TSPAN18: variants seen among roughly 807,000 people sequenced by gnomAD.
TSPAN18 encodes the protein tetraspanin-18.
TSPAN18 carries 14 observed loss-of-function variants against 27.3 expected under a neutral mutation model. The ratio of observed to expected loss-of-function variants is 0.51; its 90% CI spans 0.34 to 0.80. The LOEUF is 0.80. TSPAN18 is among the 30% of genes least tolerant of loss of function. The pLI, the probability that TSPAN18 is intolerant of heterozygous loss-of-function variation, is 0.01. For synonymous variants in TSPAN18, 143 were observed against 136.5 expected, an observed-to-expected ratio of 1.05 and a Z score of -0.33; for missense variants, 268 against 323.9, an observed-to-expected ratio of 0.83 and a Z score of 1.32.
chr11:44,880,380 A>G lies in TSPAN18; in HGVS notation c.-11+19911A>G, dbSNP rs72901311. 9.2e-3 allele frequency among the ~76,000 whole-genome samples: 1,351 copies of G among 147,484 alleles called. 11 individuals carry two copies. Among genetic ancestry groups the G allele is most frequent in the Middle Eastern group, 0.014 (4 of 286 alleles). ...GCTCTGTTAGCCTCTCCCAAGCTGC[A>G]TAACCCTGGTGAAGGGGTGTCACCT... On this transcript the variant is annotated intron_variant, in intron 3 of 9. Coordinates refer to ENST00000520358, the MANE Select transcript of TSPAN18 (RefSeq NM_130783.5).
At chr11:44,912,439 G>A (rs835983) in intron 5 of TSPAN18, among the ~76,000 whole-genome samples, 90,435 of 151,240 alleles carry the variant, frequency 0.6, 28,241 homozygotes, top group African/African-American at 0.77. Context: ...CCCCTCTCTA[G>A]GGCCCCGCCC....
chr11:44,910,010 T>G, intron 5 of TSPAN18, 111 bp downstream of exon 5: 1 of 1,311,008 alleles, frequency 7.6e-7, no homozygotes, highest in Non-Finnish European at 1.0e-6. Context: ...CTTCCCAAAC[T>G]GGGGCGGGCT....
intron 2 of TSPAN18, among the ~76,000 whole-genome samples, chr11:44,855,902 A>G (rs908255354): frequency 1.3e-5 from 2 of 149,622 alleles, no homozygotes; most frequent in Admixed American, 6.7e-5. Flanking sequence ...GTTGTTGTTG[A>G]GACAGAGTCT....
chr11:44,814,160 T>C (rs969069982), intron 2 of TSPAN18, among the ~76,000 whole-genome samples: 2 of 152,202 alleles, frequency 1.3e-5, no homozygotes, highest in Non-Finnish European at 2.9e-5. Flanking sequence ...CTTCATTTCC[T>C]TTACCAATAA....
chr11:44,893,883 C>T (rs1305742358), intron 3 of TSPAN18, among the ~76,000 whole-genome samples: 3 of 152,218 alleles, frequency 2.0e-5, no homozygotes, highest in African/African-American at 7.2e-5. Flanking sequence ...TCTCCCGACC[C>T]CAGCCTCACC....
chr11:44,767,718 C>T (rs1487817662), intron 2 of TSPAN18, among the ~76,000 whole-genome samples: 1 of 152,200 alleles, frequency 6.6e-6, no homozygotes, highest in Admixed American at 6.5e-5. Context: ...GTGCTTTATT[C>T]TAAGAGTTTT....
chr11:44,817,924 C>A (rs1856846481), intron 2 of TSPAN18, among the ~76,000 whole-genome samples: 1 of 152,210 alleles, frequency 6.6e-6, no homozygotes, highest in Non-Finnish European at 1.5e-5. Context: ...TCCAGCTGGA[C>A]AACAGTCCTC....
chr11:44,912,248 C>T (rs1219907510), intron 5 of TSPAN18, among the ~76,000 whole-genome samples: 1 of 152,114 alleles, frequency 6.6e-6, no homozygotes, highest in African/African-American at 2.4e-5. Flanking sequence ...TCTTGAACTC[C>T]TGGGCTCAAA....
At chr11:44,754,444 G>T (rs910216118) in intron 1 of TSPAN18, among the ~76,000 whole-genome samples, 1 of 152,166 alleles carries the variant, frequency 6.6e-6, no homozygotes, top group Non-Finnish European at 1.5e-5. Context: ...TGGAGTTCAG[G>T]GTCTGGAACA....
intron 1 of TSPAN18, among the ~76,000 whole-genome samples, chr11:44,760,032 A>G (rs913284853): frequency 2.0e-5 from 3 of 152,196 alleles, no homozygotes; most frequent in African/African-American, 7.2e-5. Flanking sequence ...CAGGAAGAGC[A>G]AACATCAGGG....
chr11:44,775,119 G>A (rs1228794178), intron 2 of TSPAN18, among the ~76,000 whole-genome samples: 3 of 152,162 alleles, frequency 2.0e-5, no homozygotes, highest in African/African-American at 7.2e-5. Context: ...TCCTGGGAGG[G>A]GTCGCCAGGT....
intron 2 of TSPAN18, among the ~76,000 whole-genome samples, chr11:44,768,072 A>T (rs1264043708): frequency 6.6e-6 from 1 of 152,076 alleles, no homozygotes; most frequent in Non-Finnish European, 1.5e-5. Flanking sequence ...TCAATTTTTG[A>T]TTGGCTATTC....
At chr11:44,825,377 T>G (rs1305544066) in intron 2 of TSPAN18, among the ~76,000 whole-genome samples, 3 of 152,120 alleles carry the variant, frequency 2.0e-5, no homozygotes, top group African/African-American at 7.2e-5. Flanking sequence ...CCAGGTTGAG[T>G]AAATGGCTCA....
intron 2 of TSPAN18, among the ~76,000 whole-genome samples, chr11:44,818,717 T>G (rs887605658): frequency 6.6e-6 from 1 of 152,174 alleles, no homozygotes; most frequent in African/African-American, 2.4e-5. Context: ...TGAACAGTTA[T>G]GTACTGACCG....
At chr11:44,734,593 C>T (rs1187572834) in intron 1 of TSPAN18, among the ~76,000 whole-genome samples, 3 of 152,200 alleles carry the variant, frequency 2.0e-5, no homozygotes, top group African/African-American at 4.8e-5. Context: ...GACTCCTGGT[C>T]GTTGGAAGGA....
At position 44,824,691 on chromosome 11, in the gene TSPAN18, G is replaced by A. The variant is rs56370829; in HGVS notation, c.-152-35637G>A. Among the ~76,000 whole-genome samples, 1,135 of 152,336 alleles carry A rather than the reference G, an allele frequency of 7.5e-3. 5 individuals carry two copies. The highest frequency in any genetic ancestry group is 0.012 in the Non-Finnish European group (825 of 68,030). ...GGCCGGCTCCTCACATCCCAGCCGCGGAGGCCTTCAGAGTAAACACACTGG... is the reference window on the plus strand; with the variant it reads ...GGCCGGCTCCTCACATCCCAGCCGCAGAGGCCTTCAGAGTAAACACACTGG... On this transcript the variant is annotated intron_variant, in intron 2 of 9. Transcript: ENST00000520358.
At chr11:44,807,234 A>G (rs1302650912) in intron 2 of TSPAN18, among the ~76,000 whole-genome samples, 9 of 21,824 alleles carry the variant, frequency 4.1e-4, no homozygotes, top group Admixed American at 1.5e-3. Flanking sequence ...AAAAAAAAAA[A>G]AAGAAGGAAA....
intron 1 of TSPAN18, among the ~76,000 whole-genome samples, chr11:44,750,019 A>G (rs898655912): frequency 7.3e-5 from 11 of 151,698 alleles, no homozygotes; most frequent in African/African-American, 2.7e-4. Context: ...ACCCTCCCCA[A>G]CTCACCTCCT....
chr11:44,772,550 T>C (rs551626167), intron 2 of TSPAN18, among the ~76,000 whole-genome samples: 5 of 152,360 alleles, frequency 3.3e-5, no homozygotes, highest in Admixed American at 6.5e-5. Flanking sequence ...TGATATAAAA[T>C]GGAGTAGTAT....
Sources: allele counts gnomAD v4.1 joint callset (sites outside exome capture counted in the v4.1 genomes callset), GRCh38; gene constraint gnomAD v4.1.1; transcripts MANE v1.5; gene names NCBI Gene and HGNC (gene_info 2026-07-23, HGNC 2026-07-21).